PAFAH1B1: variants seen among roughly 807,000 people sequenced by gnomAD.
The protein encoded by PAFAH1B1 is platelet activating factor acetylhydrolase 1b regulatory subunit 1.
PAFAH1B1 carries 2 observed loss-of-function variants against 57.5 expected under a neutral mutation model. The ratio of observed to expected loss-of-function variants is 0.03; its 90% CI spans 0.01 to 0.11. The LOEUF (loss-of-function observed/expected upper bound fraction) is 0.11, where lower values mean the gene tolerates loss of function less well. Ranked by LOEUF, PAFAH1B1 falls within the 10% of genes least tolerant of loss-of-function variation. The pLI, the probability that PAFAH1B1 is intolerant of heterozygous loss-of-function variation, is 1.00. For missense variants in PAFAH1B1, 257 were observed against 512.0 expected (o/e 0.50, Z 4.81); for synonymous variants, 152 against 169.6 (o/e 0.90, Z 0.81).
In PAFAH1B1 at chr17:2,670,240, C is replaced by T; in HGVS notation, c.477C>T (p.Asp159=). The T allele has an allele frequency of 6.2e-7, 1 of 1,614,064 alleles. No individual in the cohort carries two copies. The highest frequency in any genetic ancestry group is 8.5e-7 in the Non-Finnish European group (1 of 1,179,908). ...HTDSVQDISF[D]HSGKLLASCS... is the part of the protein sequence containing the mutation. ...ACTCTGTACAGGACATTTCATTCGA[C>T]CACAGCGGCAAGCTTCTGGCTTCCT... Residue 159 remains aspartate (D), a synonymous_variant, in exon 6 of 11, where the codon GAC becomes GAT. Transcript: ENST00000397195.
chr17:2,662,890 C>G (rs2069037532), intron 2 of PAFAH1B1, among the ~76,000 whole-genome samples: 3 of 152,094 alleles, frequency 2.0e-5, no homozygotes, highest in African/African-American at 7.2e-5. Flanking sequence ...GTGGGCGGAT[C>G]ACCTGAGGTC....
Position 2,672,066 on chromosome 17 carries a change from C to T in PAFAH1B1, c.569-589C>T, listed in dbSNP as rs572700724. Among the ~76,000 whole-genome samples, 4 of 151,976 alleles carry T rather than the reference C, an allele frequency of 2.6e-5. No homozygotes were observed. In the South Asian group the frequency reaches 8.3e-4, roughly 32 times the overall value. Reference sequence around the variant, plus strand: ...GAAGGATTGCTTGAGGACAGGAGTTCGAGACCAGTGTGAGCAAAATATGGA... The same window carrying T: ...GAAGGATTGCTTGAGGACAGGAGTTTGAGACCAGTGTGAGCAAAATATGGA... On this transcript the variant is annotated intron_variant, in intron 6 of 10. Transcript: ENST00000397195.
At chr17:2,673,834 C>T in intron 7 of PAFAH1B1, 1 of 508,992 alleles carries the variant, frequency 2.0e-6, no homozygotes, top group Admixed American at 3.3e-5. Context: ...GATTTTATTT[C>T]TTATACATAT....
At chr17:2,677,085 G>A (rs2069281550) in intron 9 of PAFAH1B1, among the ~76,000 whole-genome samples, 2 of 152,124 alleles carry the variant, frequency 1.3e-5, no homozygotes, top group Admixed American at 1.3e-4. Context: ...CCCGGGAGGT[G>A]GAGCTTGCAG....
chr17:2,665,924 T>C (rs2069101402), intron 3 of PAFAH1B1, 92 bp from the exon 4 acceptor site: 1 of 1,237,528 alleles, frequency 8.1e-7, no homozygotes, highest in Admixed American at 2.7e-5. Context: ...TAATCAGATT[T>C]TTAGTAATAT....
chr17:2,643,108 A>G (rs1269403209), intron 2 of PAFAH1B1, among the ~76,000 whole-genome samples: 1 of 151,998 alleles, frequency 6.6e-6, no homozygotes, highest in East Asian at 1.9e-4. Context: ...TGTTTTGGAG[A>G]CAAGAGTCTC....
chr17:2,671,728 A>G (rs1005992466), intron 6 of PAFAH1B1, among the ~76,000 whole-genome samples: 1 of 151,500 alleles, frequency 6.6e-6, no homozygotes, highest in Non-Finnish European at 1.5e-5. Flanking sequence ...TCAGCCTCCA[A>G]AGTAGCTGGC....
At chr17:2,614,119 C>G (rs895094378) in intron 1 of PAFAH1B1, among the ~76,000 whole-genome samples, 1 of 143,328 alleles carries the variant, frequency 7.0e-6, no homozygotes, top group East Asian at 2.2e-4. Flanking sequence ...GCCTCAACCT[C>G]CCAGGCTCAA....
At chr17:2,667,566 T>G (rs1363048158) in intron 5 of PAFAH1B1, 1 of 263,294 alleles carries the variant, frequency 3.8e-6, no homozygotes, top group Non-Finnish European at 7.5e-6. Flanking sequence ...GTACATCACC[T>G]TGTGCTTGAA....
chr17:2,646,512 G>C (rs1389738885), intron 2 of PAFAH1B1, among the ~76,000 whole-genome samples: 1 of 152,142 alleles, frequency 6.6e-6, no homozygotes, highest in Non-Finnish European at 1.5e-5. Flanking sequence ...AATTAGCCGG[G>C]TGTGGTGGCA....
chr17:2,626,553 T>TCCC (rs764519686), intron 1 of PAFAH1B1, among the ~76,000 whole-genome samples: 7 of 32,732 alleles, frequency 2.1e-4, no homozygotes, highest in East Asian at 2.3e-3. Context: ...TCACCTTTCT[T>TCCC]CCCCCCCCCC....
At position 2,595,421 on chromosome 17, in the gene PAFAH1B1, C is replaced by CTTT. The variant is rs71377513; in HGVS notation, c.-191+1429_-191+1431dup. 4.8e-5 allele frequency among the ~76,000 whole-genome samples: 6 copies of CTTT among 124,076 alleles called. 1 individual carries two copies. The highest frequency in any genetic ancestry group is 1.0e-4 in the Non-Finnish European group (6 of 59,350). The allele number at this position is 124,076 out of a possible 152,430, so 81.4% of individuals were successfully genotyped here. On this transcript the variant is annotated intron_variant, in intron 1 of 10. Coordinates refer to ENST00000397195, the MANE Select transcript of PAFAH1B1 (RefSeq NM_000430.4). ...TCCCTTTTTGCCACAGGAGTGTTTG[C>CTTT]TTTTTTTTTTTTTTTTGCTGCAGCA... is the stretch of plus-strand genomic sequence containing the variant.
intron 1 of PAFAH1B1, among the ~76,000 whole-genome samples, chr17:2,602,397 A>C (rs960126948): frequency 5.9e-5 from 9 of 152,226 alleles, no homozygotes; most frequent in Non-Finnish European, 1.5e-5. Context: ...AGTTCTTAGA[A>C]GAATATTACT....
intron 2 of PAFAH1B1, among the ~76,000 whole-genome samples, chr17:2,653,416 A>AT (rs2068893781): frequency 7.2e-6 from 1 of 138,036 alleles, no homozygotes; most frequent in Non-Finnish European, 1.7e-5. Flanking sequence ...ACTTAAAAGT[A>AT]TTAAAAAAAA....
At chr17:2,662,984 C>G (rs924763253) in intron 2 of PAFAH1B1, among the ~76,000 whole-genome samples, 5 of 152,058 alleles carry the variant, frequency 3.3e-5, no homozygotes, top group African/African-American at 1.2e-4. Context: ...ATCGTGGCAC[C>G]TGCCTGTAAT....
At chr17:2,626,045 G>A (rs918098666) in intron 1 of PAFAH1B1, among the ~76,000 whole-genome samples, 1 of 152,134 alleles carries the variant, frequency 6.6e-6, no homozygotes, top group Non-Finnish European at 1.5e-5. Flanking sequence ...GAGGTCAGGA[G>A]TTGGGAACCA....
At chr17:2,653,335 G>A (rs1328184251) in intron 2 of PAFAH1B1, among the ~76,000 whole-genome samples, 2 of 151,878 alleles carry the variant, frequency 1.3e-5, no homozygotes, top group African/African-American at 2.4e-5. Flanking sequence ...CGAGTTAATG[G>A]GTGCAGCACA....
At chr17:2,602,636 C>T (rs1044877846) in intron 1 of PAFAH1B1, among the ~76,000 whole-genome samples, 3 of 152,184 alleles carry the variant, frequency 2.0e-5, no homozygotes, top group Admixed American at 6.5e-5. Context: ...GTCCGGTTAA[C>T]GTCTTTCTGC....
At chr17:2,602,301 GCCT>G (rs1421903745) in intron 1 of PAFAH1B1, among the ~76,000 whole-genome samples, 3 of 151,600 alleles carry the variant, frequency 2.0e-5, no homozygotes, top group Non-Finnish European at 4.4e-5. Context: ...GTTTAAACAG[GCCT>G]GTGGTTCGCA....
Sources: allele counts gnomAD v4.1 joint callset (sites outside exome capture counted in the v4.1 genomes callset), GRCh38; gene constraint gnomAD v4.1.1; transcripts MANE v1.5; gene names NCBI Gene and HGNC (gene_info 2026-07-23, HGNC 2026-07-21).